Variants in COL18A1 observed in about 807,000 individuals in gnomAD.
COL18A1 encodes collagen alpha-1(XVIII) chain.
COL18A1 carries 133 observed loss-of-function variants against 168.0 expected under a neutral mutation model. The ratio of observed to expected loss-of-function variants is 0.79; its 90% confidence interval spans 0.69 to 0.91. The LOEUF (loss-of-function observed/expected upper bound fraction) is 0.91, where lower values mean the gene tolerates loss of function less well. Among genes scored for constraint, COL18A1 ranks in the 40% least tolerant of loss-of-function variants. The pLI is 0.00. For synonymous variants in COL18A1, 949 were observed against 809.0 expected (o/e 1.17, Z -2.94); for missense variants, 2,126 against 1,925.4 (o/e 1.10, Z -1.95).
intron 2 of COL18A1, among the ~76,000 whole-genome samples, chr21:45,436,085 C>G (rs2034087522): frequency 1.3e-5 from 2 of 152,224 alleles, no homozygotes; most frequent in Admixed American, 6.5e-5. Context: ...GCACAATGTG[C>G]AGCGTTTGCA....
chr21:45,495,780 C>T, intron 29 of COL18A1: 1 of 357,192 alleles, frequency 2.8e-6, no homozygotes, highest in Admixed American at 3.9e-5. Flanking sequence ...CACATAGGTG[C>T]ACATATACAC....
intron 2 of COL18A1, among the ~76,000 whole-genome samples, chr21:45,434,189 G>A (rs2034038605): frequency 6.9e-6 from 1 of 144,342 alleles, no homozygotes; most frequent in African/African-American, 2.6e-5. Flanking sequence ...CAGAGGCAGT[G>A]GCTTCACCGG....
intron 26 of COL18A1, 72 bp from the exon 27 acceptor site, chr21:45,494,472 AG>A: frequency 6.2e-7 from 1 of 1,606,494 alleles, no homozygotes; most frequent in Non-Finnish European, 8.5e-7. Flanking sequence ...CCTTCGCCAC[AG>A]GGGCCCTCAG....
Position 45,473,995 on chromosome 21 carries a change from G to A in COL18A1, c.738+14G>A, listed in dbSNP as rs1743573123. 6.4e-7 allele frequency: 1 copy of A among 1,574,254 alleles called. No individual in the cohort carries two copies. Among genetic ancestry groups the A allele is most frequent in the South Asian group, 1.2e-5 (1 of 85,998 alleles). ...GACTCAGATGGGGTGAGTGACATCTGGGGCACGGGTGGGGTCTCCCCTCAA... is the reference window on the plus strand; with the variant it reads ...GACTCAGATGGGGTGAGTGACATCTAGGGCACGGGTGGGGTCTCCCCTCAA... On this transcript the variant is annotated intron_variant, in intron 4 of 41. Transcript: ENST00000651438. The surrounding 1 kb of genome is among the most constrained non-coding windows in gnomAD (Gnocchi z 4.0).
At position 45,412,233 on chromosome 21, in the gene COL18A1, A is replaced by ATTTT. The variant is rs1285919162; in HGVS notation, c.106+6763_106+6764insTTTT. Among the ~76,000 whole-genome samples the ATTTT allele has an allele frequency of 6.2e-5, 6 of 96,120 alleles. 1 individual carries two copies. Among genetic ancestry groups the ATTTT allele is most frequent in the Non-Finnish European group, 6.1e-5 (3 of 49,126 alleles). The allele number at this position is 96,120 out of a possible 152,430, so 63.1% of individuals were successfully genotyped here. On this transcript the variant is annotated intron_variant, in intron 2 of 41. Coordinates refer to ENST00000651438, the MANE Select transcript of COL18A1 (RefSeq NM_001379500.1). ...ATGATATTTCTTTAACTGGGGGTAT[A>ATTTT]TTTCTTTTTTTTTTTTTTTTCGAGA...
chr21:45,418,034 G>A lies in COL18A1; in HGVS notation c.106+12561G>A, dbSNP rs922057752. On this transcript the variant is annotated intron_variant, in intron 2 of 41. Coordinates refer to ENST00000651438, the MANE Select transcript of COL18A1 (RefSeq NM_001379500.1). ...CAGGAACCGAGAAGGGCAGGTGCCT[G>A]TTCGTTAACGTGTGCCGCCCCCGGA... Among the ~76,000 whole-genome samples, 16 of 152,320 alleles carry A rather than the reference G, an allele frequency of 1.1e-4. No homozygotes were observed. The East Asian group carries it at 2.5e-3, about 24-fold the overall frequency.
chr21:45,485,149 ATTTTTTTTTTTTT>A (rs751718038), intron 15 of COL18A1, among the ~76,000 whole-genome samples: 99 of 55,088 alleles, frequency 1.8e-3, no homozygotes, highest in African/African-American at 6.8e-3. Flanking sequence ...CACCTGGCTA[ATTTTTTTTTTTTT>A]TTTTTTTTTT....
intron 2 of COL18A1, chr21:45,455,549 G>A (rs2145850588): frequency 6.2e-7 from 1 of 1,613,468 alleles, no homozygotes; most frequent in East Asian, 2.2e-5. Flanking sequence ...CTACCCCTGT[G>A]GCTGCCACAT....
intron 11 of COL18A1, 43 bp from the exon 12 acceptor site, chr21:45,480,424 G>A (rs780875134): frequency 1.2e-6 from 2 of 1,613,896 alleles, no homozygotes; most frequent in Non-Finnish European, 1.7e-6. Flanking sequence ...CCAGGCGGGG[G>A]GCCGAGCTCA....
At position 45,489,502 on chromosome 21, in the gene COL18A1, C is replaced by T. The variant is rs1402098917; in HGVS notation, c.1940C>T (p.Pro647Leu). The change falls in exon 19 of 42, where the codon CCT (proline) becomes CTT (leucine). Residue 647 changes from proline to leucine, a missense_variant. Coordinates refer to ENST00000651438, the MANE Select transcript of COL18A1 (RefSeq NM_001379500.1). ...TTCACTTAGGGGGATCCTGGCGTGC[C>T]TGGGCTGCCGGGGGCGAAGGTAAGC... ...LPGLKGDPGVPGLPGAKGEVG... is the reference protein window; with the variant it reads ...LPGLKGDPGVLGLPGAKGEVG... The T allele has an allele frequency of 1.9e-6, 3 of 1,603,712 alleles. No homozygotes were observed. The highest frequency in any genetic ancestry group is 2.7e-5 in the African/African-American group (2 of 74,776).
chr21:45,461,376 G>A (rs763378028), intron 2 of COL18A1, among the ~76,000 whole-genome samples: 27 of 151,896 alleles, frequency 1.8e-4, no homozygotes, highest in South Asian at 4.2e-4. Flanking sequence ...GGAGGCCCCC[G>A]TTGCCTATGC....
At chr21:45,411,576 G>A (rs1046313490) in intron 2 of COL18A1, among the ~76,000 whole-genome samples, 3 of 152,126 alleles carry the variant, frequency 2.0e-5, no homozygotes, top group African/African-American at 4.8e-5. Context: ...AGGGCCCGGC[G>A]CTGTGAACGA....
At chr21:45,451,022 G>A (rs986951533) in intron 2 of COL18A1, among the ~76,000 whole-genome samples, 6 of 152,240 alleles carry the variant, frequency 3.9e-5, no homozygotes, top group Admixed American at 1.3e-4. Context: ...CACCTCTGGA[G>A]ACAGGGCCCG....
At chr21:45,483,597 G>A (rs538401136) in intron 15 of COL18A1, among the ~76,000 whole-genome samples, 13 of 152,288 alleles carry the variant, frequency 8.5e-5, no homozygotes, top group South Asian at 6.2e-4. Context: ...CACCACAGAC[G>A]CCCCCGGAGG....
At chr21:45,445,071 C>G (rs1247345905) in intron 2 of COL18A1, among the ~76,000 whole-genome samples, 2 of 152,150 alleles carry the variant, frequency 1.3e-5, no homozygotes, top group Non-Finnish European at 2.9e-5. Flanking sequence ...ACCATCATCC[C>G]CATCGACCGT....
intron 2 of COL18A1, among the ~76,000 whole-genome samples, chr21:45,410,369 G>A (rs988035332): frequency 1.3e-5 from 2 of 152,242 alleles, no homozygotes; most frequent in African/African-American, 2.4e-5. Flanking sequence ...CAGAAGGCCA[G>A]CAGGCTTGCG....
intron 26 of COL18A1, 27 bp downstream of exon 26, chr21:45,493,602 C>T (rs912092240): frequency 4.6e-5 from 70 of 1,523,806 alleles, no homozygotes; most frequent in Non-Finnish European, 5.3e-5. Flanking sequence ...CTCCTTCCGG[C>T]AGGCGTGGGG....
At chr21:45,453,039 CA>C (rs1189181558) in intron 2 of COL18A1, among the ~76,000 whole-genome samples, 1 of 151,324 alleles carries the variant, frequency 6.6e-6, no homozygotes, top group Non-Finnish European at 1.5e-5. Flanking sequence ...TCATGTGTGA[CA>C]TGTAAGCATG....
At chr21:45,431,783 G>A (rs897050821) in intron 2 of COL18A1, among the ~76,000 whole-genome samples, 4 of 152,208 alleles carry the variant, frequency 2.6e-5, no homozygotes, top group Admixed American at 6.5e-5. Context: ...AGGCCGTCGC[G>A]GACGGTCTAA....
Sources: gnomAD v4.1 joint callset for allele counts (sites outside exome capture counted in the v4.1 genomes callset) on GRCh38, gnomAD v4.1.1 for gene constraint, Gnocchi (gnomAD v3.1) non-coding constraint, MANE v1.5 for transcripts, NCBI Gene and HGNC (gene_info 2026-07-23, HGNC 2026-07-21) for gene names.